The following SV2C variants were observed in gnomAD, a reference collection of about 807,000 sequenced individuals.
The protein encoded by SV2C is synaptic vesicle glycoprotein 2C, also known as solute carrier family 22 member B3.
In SV2C, 49 loss-of-function variants were observed where a neutral mutation model predicts 79.7. The ratio of observed to expected loss-of-function variants is 0.61; its 90% CI spans 0.49 to 0.78. SV2C has a LOEUF of 0.78. SV2C is among the 30% of genes least tolerant of loss of function. The pLI is 0.00. For missense variants in SV2C, 833 were observed against 912.9 expected (o/e 0.91, Z 1.13); for synonymous variants, 334 against 333.2 (o/e 1.00, Z -0.03).
At chr5:76,336,918 G>T (rs554841991), downstream of SV2C, among the ~76,000 whole-genome samples, 1 of 152,234 alleles carries the variant, frequency 6.6e-6, no homozygotes, top group African/African-American at 2.4e-5. Context: ...AAAAGTCATT[G>T]CGAGTTCTGA....
the SV2C span, among the ~76,000 whole-genome samples, chr5:76,053,240 C>T: frequency 7.2e-5 from 11 of 152,160 alleles, no homozygotes; most frequent in Non-Finnish European, 1.0e-4. Flanking sequence ...GTCTTTTCAG[C>T]TCAGCACTTC....
At chr5:76,322,230 C>A (rs1442037374) in intron 12 of SV2C, among the ~76,000 whole-genome samples, 2 of 152,154 alleles carry the variant, frequency 1.3e-5, no homozygotes, top group Non-Finnish European at 2.9e-5. Context: ...ACAAGCATTC[C>A]TTTACATCAA....
the SV2C span, among the ~76,000 whole-genome samples, chr5:75,864,966 T>C: frequency 1.3e-5 from 2 of 151,882 alleles, no homozygotes; most frequent in South Asian, 2.1e-4. Flanking sequence ...GTGTTGGAGG[T>C]GTTGGTGGTG....
rs1052383992 is a variant in SV2C, at chr5:76,162,256, C to G, written c.580+29926C>G. ...GTTAACTCTTTAGCCCTAGTACACT[C>G]TTTTTTCCCTGAAATGTTCAATGAA... On this transcript the variant is annotated intron_variant, in intron 2 of 12. Coordinates refer to ENST00000502798, the MANE Select transcript of SV2C (RefSeq NM_014979.4). Among the ~76,000 whole-genome samples, 4 of 152,136 alleles carry G rather than the reference C, an allele frequency of 2.6e-5. No individual in the cohort carries two copies. The South Asian group carries it at 8.3e-4, about 32-fold the overall frequency.
intron 3 of SV2C, among the ~76,000 whole-genome samples, chr5:76,198,714 G>T (rs1744344911): frequency 6.6e-6 from 1 of 152,106 alleles, no homozygotes; most frequent in African/African-American, 2.4e-5. Flanking sequence ...CTACCTTCAT[G>T]GCCCAGGGTT....
chr5:76,284,376 C>G (rs1747282595), intron 4 of SV2C, among the ~76,000 whole-genome samples: 1 of 152,112 alleles, frequency 6.6e-6, no homozygotes, highest in South Asian at 2.1e-4. Context: ...AGACATGCAG[C>G]AACCGCCAAT....
chr5:76,035,396 A>C, the SV2C span, among the ~76,000 whole-genome samples: 1 of 151,658 alleles, frequency 6.6e-6, no homozygotes, highest in African/African-American at 2.4e-5. Flanking sequence ...TAGTGCTGTA[A>C]ATTTCCCTCT....
chr5:76,043,324 G>A, the SV2C span, among the ~76,000 whole-genome samples: 2 of 152,186 alleles, frequency 1.3e-5, no homozygotes, highest in African/African-American at 4.8e-5. Flanking sequence ...TGAAGTACTT[G>A]TGGGTATATC....
the SV2C span, among the ~76,000 whole-genome samples, chr5:75,898,806 T>A: frequency 6.6e-6 from 1 of 152,200 alleles, no homozygotes; most frequent in South Asian, 2.1e-4. Flanking sequence ...GGAGGGTGTA[T>A]GTGTTGAGAA....
At chr5:76,257,838 G>A (rs1219222072) in intron 4 of SV2C, among the ~76,000 whole-genome samples, 3 of 151,282 alleles carry the variant, frequency 2.0e-5, no homozygotes, top group Non-Finnish European at 4.4e-5. Flanking sequence ...TATGGATGGT[G>A]TGTGTGGTAG....
chr5:75,882,809 G>A, the SV2C span, among the ~76,000 whole-genome samples: 18 of 145,804 alleles, frequency 1.2e-4, no homozygotes, highest in Admixed American at 9.6e-4. Context: ...AACTCCAAAA[G>A]CAATGGCAAC....
chr5:76,208,624 A>T (rs1416753662), intron 3 of SV2C, among the ~76,000 whole-genome samples: 2 of 152,234 alleles, frequency 1.3e-5, no homozygotes, highest in African/African-American at 4.8e-5. Context: ...AAAATCAGTT[A>T]TTGCTAAATA....
the SV2C span, among the ~76,000 whole-genome samples, chr5:76,039,943 T>A: frequency 6.6e-6 from 1 of 152,138 alleles, no homozygotes. Context: ...TGGGTATCAT[T>A]GTCTAACTCA....
chr5:75,882,562 A>G, the SV2C span, among the ~76,000 whole-genome samples: 3 of 152,298 alleles, frequency 2.0e-5, no homozygotes, highest in African/African-American at 4.8e-5. Context: ...ATATAGATCA[A>G]TGGAACAGAG....
chr5:75,971,045 A>G, the SV2C span, among the ~76,000 whole-genome samples: 159 of 152,264 alleles, frequency 1.0e-3, 1 homozygote, highest in Non-Finnish European at 2.0e-3. Context: ...AATGTAATCC[A>G]GAATATAAAC....
chr5:75,859,598 G>A, the SV2C span, among the ~76,000 whole-genome samples: 5 of 152,098 alleles, frequency 3.3e-5, no homozygotes, highest in Non-Finnish European at 7.4e-5. Flanking sequence ...AGCCATGGGC[G>A]GCCTCTGAGG....
chr5:76,278,427 A>G (rs150592463), intron 4 of SV2C, among the ~76,000 whole-genome samples: 1 of 152,340 alleles, frequency 6.6e-6, no homozygotes, highest in East Asian at 1.9e-4. Context: ...CGAATCCTGG[A>G]AGGTACGAAG....
the SV2C span, among the ~76,000 whole-genome samples, chr5:75,876,686 G>T: frequency 6.6e-6 from 1 of 152,056 alleles, no homozygotes; most frequent in Non-Finnish European, 1.5e-5. Context: ...TAAAGAGGGA[G>T]AAATGGAATA....
At chr5:75,861,697 A>C in the SV2C span, among the ~76,000 whole-genome samples, 2 of 152,194 alleles carry the variant, frequency 1.3e-5, no homozygotes, top group Non-Finnish European at 2.9e-5. Context: ...CCATTATCCT[A>C]AGTGAATTAA....
Sources: allele counts gnomAD v4.1 joint callset (sites outside exome capture counted in the v4.1 genomes callset), GRCh38; gene constraint gnomAD v4.1.1; transcripts MANE v1.5; gene names NCBI Gene and HGNC (gene_info 2026-07-23, HGNC 2026-07-21).